The following RPS18 variants were observed in gnomAD, a reference collection of about 807,000 sequenced individuals.
RPS18 encodes the protein ribosomal protein S18, also known as small ribosomal subunit protein uS13.
For synonymous variants in RPS18, 64 were observed against 70.9 expected (o/e 0.90, Z 0.49); for missense variants, 49 against 200.8 (o/e 0.24, Z 4.57).
Position 33,276,184 on chromosome 6 carries a change from C to T in RPS18, c.300C>T (p.Ala100=), listed in dbSNP as rs777278184. 1.2e-6 allele frequency: 2 copies of T among 1,614,058 alleles called. No homozygotes were observed. Among genetic ancestry groups the T allele is most frequent in the South Asian group, 2.2e-5 (2 of 91,074 alleles). ...CCCTCCTCTGAATCCAGGTCCTAGCCAATGGTCTGGACAACAAGCTCCGTG... is the reference window on the plus strand; with the variant it reads ...CCCTCCTCTGAATCCAGGTCCTAGCTAATGGTCTGGACAACAAGCTCCGTG... ...VKDGKYSQVL[A]NGLDNKLRED... Residue 100 remains alanine, a synonymous_variant, in exon 5 of 6, where the codon GCC becomes GCT. Transcript: ENST00000439602.
chr6:33,272,371 C>G (rs1344961078), intron 1 of RPS18: 2 of 607,228 alleles, frequency 3.3e-6, no homozygotes, highest in Admixed American at 5.9e-5. Flanking sequence ...GCTTTTGCCA[C>G]GCACTTTTGG....
rs746622779 is a variant in RPS18 at position 33,275,956 on chromosome 6, G to T, written c.190-9G>T. On this transcript the variant is annotated splice_polypyrimidine_tract_variant and intron_variant, in intron 3 of 5. Coordinates refer to ENST00000439602, the MANE Select transcript of RPS18 (RefSeq NM_022551.3). The stretch of plus-strand genomic sequence containing the variant: ...GTCCATCTAGATCTGACCTTGGTCT[G>T]CCTGCCAGGTGGAACGTGTGATCAC... 2 of 1,613,656 alleles carry T rather than the reference G, an allele frequency of 1.2e-6. No homozygotes were observed. Among genetic ancestry groups the T allele is most frequent in the African/African-American group, 2.7e-5 (2 of 75,014 alleles).
intron 2 of RPS18, among the ~76,000 whole-genome samples, chr6:33,274,957 A>G (rs767482017): frequency 1.2e-4 from 18 of 152,204 alleles, no homozygotes; most frequent in Non-Finnish European, 2.1e-4. Flanking sequence ...CAATGTAAGC[A>G]TTAGTTTCTT....
chr6:33,272,250 C>T (rs1765248863), intron 1 of RPS18, 128 bp downstream of exon 1: 5 of 1,073,398 alleles, frequency 4.7e-6, no homozygotes, highest in Non-Finnish European at 6.9e-6. Flanking sequence ...TGGATCGCGT[C>T]CCTGGAAAGG....
intron 2 of RPS18, among the ~76,000 whole-genome samples, chr6:33,274,472 C>T (rs1015943749): frequency 6.6e-6 from 1 of 152,222 alleles, no homozygotes; most frequent in Non-Finnish European, 1.5e-5. Context: ...GCATGAGCCA[C>T]GGTGAAGCCA....
chr6:33,276,336 C>T, intron 5 of RPS18, 55 bp from the exon 6 acceptor site: 4 of 1,608,274 alleles, frequency 2.5e-6, no homozygotes, highest in Non-Finnish European at 3.4e-6. Context: ...TTCTTTTTCC[C>T]CAACCTTTTG....
At chr6:33,276,152 C>T (rs1765609061) in intron 4 of RPS18, 24 bp from the exon 5 acceptor site, 1 of 1,610,546 alleles carries the variant, frequency 6.2e-7, no homozygotes, top group Admixed American at 1.7e-5. Flanking sequence ...ATAAAACATC[C>T]CTTGCCCCCT....
chr6:33,272,163 C>G (rs1197165420), intron 1 of RPS18, 41 bp downstream of exon 1: 2 of 1,554,296 alleles, frequency 1.3e-6, no homozygotes, highest in Non-Finnish European at 1.7e-6. Flanking sequence ...GGCATCGCAG[C>G]TCGGGCAAGG....
rs376983339 is a variant in RPS18 at position 33,276,274 on chromosome 6, G to T, written c.383+7G>T. ...GGCTGCGTCACTTCTGGGGGTGAGTGGGGGGTCTCATCTCCCTGCCTACCT... is the reference window on the plus strand; with the variant it reads ...GGCTGCGTCACTTCTGGGGGTGAGTTGGGGGTCTCATCTCCCTGCCTACCT... On this transcript the variant is annotated splice_region_variant and intron_variant, in intron 5 of 5. Transcript: ENST00000439602. 6.2e-7 allele frequency: 1 copy of T among 1,608,528 alleles called. No homozygotes were observed. The highest frequency in any genetic ancestry group is 1.1e-5 in the South Asian group (1 of 91,010).
intron 1 of RPS18, 62 bp from the exon 2 acceptor site, chr6:33,272,566 A>G (rs1765287182): frequency 8.6e-6 from 7 of 816,614 alleles, no homozygotes; most frequent in Non-Finnish European, 1.5e-5. Flanking sequence ...CGTTTGCCTT[A>G]TCGGCCTTAC....
intron 4 of RPS18, 44 bp from the exon 5 acceptor site, chr6:33,276,132 A>G (rs766658746): frequency 6.2e-7 from 1 of 1,607,488 alleles, no homozygotes; most frequent in Non-Finnish European, 8.5e-7. Flanking sequence ...TGGGCATAGG[A>G]GGTCAGGGGA....
chr6:33,272,104 C>A lies in RPS18; in HGVS notation c.-16C>A, dbSNP rs571782235. On this transcript the variant is annotated 5_prime_UTR_variant, in exon 1 of 6. Coordinates refer to ENST00000439602, the MANE Select transcript of RPS18 (RefSeq NM_022551.3). ...CTTCCACAGGAGGCCTACACGCCGC[C>A]GCTTGTGCTGCAGCCATGGTAAGAC... The A allele has an allele frequency of 1.9e-6, 3 of 1,567,318 alleles. No homozygotes were observed. Among genetic ancestry groups the A allele is most frequent in the South Asian group, 1.2e-5 (1 of 85,282 alleles).
chr6:33,272,783 A>G, intron 2 of RPS18, 57 bp downstream of exon 2: 1 of 870,642 alleles, frequency 1.1e-6, no homozygotes, highest in Non-Finnish European at 2.0e-6. Context: ...TTGTGAAGAC[A>G]TAAGCAAAAA....
At position 33,272,743 on chromosome 6, in the gene RPS18, A is replaced by G; in HGVS notation, c.102+17A>G. 8.3e-7 allele frequency: 1 copy of G among 1,203,732 alleles called. No individual in the cohort carries two copies. The highest frequency in any genetic ancestry group is 1.2e-6 in the Non-Finnish European group (1 of 804,732). The allele number at this position is 1,203,732 out of a possible 1,614,324, so 74.6% of individuals were successfully genotyped here. ...GCCATTAAGGTAAGTGAAGTAGGGT[A>G]AGGAATAGGGAATGTAAATGAGAAT... On this transcript the variant is annotated intron_variant, in intron 2 of 5. Transcript: ENST00000439602.
intron 2 of RPS18, chr6:33,275,523 G>A (rs528902608): frequency 5.0e-5 from 23 of 458,128 alleles, no homozygotes; most frequent in South Asian, 4.9e-4. Context: ...TCACCATGTT[G>A]GCCAGGCTGG....
chr6:33,272,317 CGCACGAAA>C, intron 1 of RPS18, 195 bp downstream of exon 1: 1 of 657,428 alleles, frequency 1.5e-6, no homozygotes. Flanking sequence ...ACTGCTCGGG[CGCACGAAA>C]GCTGTCTAAG....
chr6:33,276,301 G>GA (rs762269187), intron 5 of RPS18, 34 bp downstream of exon 5: 5 of 1,605,356 alleles, frequency 3.1e-6, no homozygotes, highest in Non-Finnish European at 1.7e-6. Context: ...TGCCTACCTC[G>GA]ACTCAGCATT....
chr6:33,272,388 G>T (rs1245628217), intron 1 of RPS18: 2 of 605,036 alleles, frequency 3.3e-6, no homozygotes, highest in Non-Finnish European at 2.9e-6. Context: ...TTGGGAATGG[G>T]CAGGAGACCT....
chr6:33,276,323 CTCT>C (rs1249347804), intron 5 of RPS18, 56 bp downstream of exon 5: 21 of 1,604,850 alleles, frequency 1.3e-5, no homozygotes, highest in Non-Finnish European at 1.7e-5. Context: ...CTCCTACTCG[CTCT>C]TCTTTTTCCC....
Sources: gnomAD v4.1 joint callset for allele counts (sites outside exome capture counted in the v4.1 genomes callset) on GRCh38, gnomAD v4.1.1 for gene constraint, MANE v1.5 for transcripts, NCBI Gene and HGNC (gene_info 2026-07-23, HGNC 2026-07-21) for gene names.